SUGCT: variants seen among roughly 807,000 people sequenced by gnomAD.
The protein encoded by SUGCT is succinyl-CoA:glutarate CoA-transferase.
A neutral mutation model predicts 55.0 loss-of-function variants in SUGCT; 41 were observed. That is an observed-to-expected ratio of 0.74 (90% CI 0.58 to 0.97). The LOEUF is 0.97. SUGCT is among the 50% of genes least tolerant of loss of function. The probability of loss-of-function intolerance (pLI) is 0.00; values close to 1 mark genes in which losing one functional copy is unlikely to be tolerated. For synonymous variants in SUGCT, 187 were observed against 200.4 expected, an observed-to-expected ratio of 0.93 and a Z score of 0.56; for missense variants, 568 against 547.8, an observed-to-expected ratio of 1.04 and a Z score of -0.37.
intron 13 of SUGCT, among the ~76,000 whole-genome samples, chr7:40,750,680 G>C (rs544740635): frequency 6.6e-6 from 1 of 152,284 alleles, no homozygotes; most frequent in African/African-American, 2.4e-5. Flanking sequence ...GATGAATAAA[G>C]AAAGTTGAAG....
At chr7:40,951,298 T>C in the SUGCT span, among the ~76,000 whole-genome samples, 2 of 152,194 alleles carry the variant, frequency 1.3e-5, no homozygotes, top group Non-Finnish European at 2.9e-5. Context: ...GTAGGATCGG[T>C]GGTGATATCC....
At chr7:40,409,585 C>A (rs2151338683) in intron 9 of SUGCT, among the ~76,000 whole-genome samples, 1 of 152,198 alleles carries the variant, frequency 6.6e-6, no homozygotes, top group Non-Finnish European at 1.5e-5. Context: ...TACCTCAGTT[C>A]AATTCTATTG....
chr7:40,793,715 G>C (rs1384476056), intron 13 of SUGCT, among the ~76,000 whole-genome samples: 1 of 152,000 alleles, frequency 6.6e-6, no homozygotes, highest in African/African-American at 2.4e-5. Flanking sequence ...AACAGTTCTG[G>C]AAGATTCTTC....
intron 1 of SUGCT, among the ~76,000 whole-genome samples, chr7:40,175,322 C>T (rs184924598): frequency 1.0e-3 from 156 of 151,884 alleles, no homozygotes; most frequent in African/African-American, 3.6e-3. Flanking sequence ...CGGGTTCAAG[C>T]GATTCTCCTG....
At chr7:40,718,798 G>C (rs1240029739) in intron 12 of SUGCT, among the ~76,000 whole-genome samples, 2 of 152,112 alleles carry the variant, frequency 1.3e-5, no homozygotes, top group Non-Finnish European at 2.9e-5. Flanking sequence ...GTCTGAGCCA[G>C]TGTCCACACT....
At chr7:40,584,722 A>T (rs1797285319) in intron 12 of SUGCT, among the ~76,000 whole-genome samples, 1 of 152,224 alleles carries the variant, frequency 6.6e-6, no homozygotes, top group South Asian at 2.1e-4. Flanking sequence ...TGGGATTGGC[A>T]TATGGATATT....
intron 1 of SUGCT, chr7:40,153,408 C>G (rs941922316): frequency 2.7e-6 from 1 of 366,002 alleles, no homozygotes; most frequent in African/African-American, 2.2e-5. Context: ...CCGACATGAC[C>G]AATTTGATGT....
chr7:40,240,027 A>G (rs1023427109), intron 7 of SUGCT, among the ~76,000 whole-genome samples: 3 of 152,198 alleles, frequency 2.0e-5, no homozygotes, highest in African/African-American at 7.2e-5. Flanking sequence ...GGGAAAACAA[A>G]CATTAGCAGA....
At chr7:41,002,546 C>T in the SUGCT span, among the ~76,000 whole-genome samples, 1 of 151,994 alleles carries the variant, frequency 6.6e-6, no homozygotes, top group Admixed American at 6.6e-5. Flanking sequence ...AAAGGGAAAC[C>T]CAAGGAGGGC....
At chr7:40,590,420 T>C (rs1409412242) in intron 12 of SUGCT, among the ~76,000 whole-genome samples, 1 of 152,194 alleles carries the variant, frequency 6.6e-6, no homozygotes, top group Non-Finnish European at 1.5e-5. Context: ...ACATAGGCCT[T>C]TTATGCCAAA....
intron 11 of SUGCT, among the ~76,000 whole-genome samples, chr7:40,470,109 G>A (rs1388808369): frequency 6.6e-6 from 1 of 152,082 alleles, no homozygotes; most frequent in East Asian, 1.9e-4. Flanking sequence ...GGAAGGTACA[G>A]CTCTCCAGAC....
intron 11 of SUGCT, among the ~76,000 whole-genome samples, chr7:40,459,440 A>G (rs1330216906): frequency 7.2e-5 from 11 of 152,166 alleles, no homozygotes; most frequent in Admixed American, 6.5e-5. Flanking sequence ...TAAATAAGAA[A>G]GTCACCATGA....
chr7:40,499,118 G>C (rs773204192), intron 12 of SUGCT: 1 of 456,550 alleles, frequency 2.2e-6, no homozygotes, highest in African/African-American at 2.0e-5. Context: ...CCACTGGCGC[G>C]TGTGGCCCAC....
At chr7:40,360,070 G>GTGGCACGAGCC (rs1382785270) in intron 9 of SUGCT, among the ~76,000 whole-genome samples, 5 of 152,220 alleles carry the variant, frequency 3.3e-5, no homozygotes, top group Admixed American at 1.3e-4. Flanking sequence ...CTGGAGTGCA[G>GTGGCACGAGCC]TGGCACGATC....
intron 9 of SUGCT, among the ~76,000 whole-genome samples, chr7:40,440,137 G>T: frequency 8.7e-6 from 1 of 114,588 alleles, no homozygotes; most frequent in African/African-American, 3.5e-5. Flanking sequence ...TTTTGTCTGT[G>T]TGTGTGTGTT....
chr7:40,512,773 A>G (rs914859753), intron 12 of SUGCT, among the ~76,000 whole-genome samples: 3 of 152,118 alleles, frequency 2.0e-5, no homozygotes, highest in African/African-American at 7.2e-5. Flanking sequence ...CTGCTGGGGA[A>G]ATATGAGAAA....
chr7:40,626,235 CTTTCTTTCTTT>C (rs1799520056), intron 12 of SUGCT, among the ~76,000 whole-genome samples: 1 of 151,824 alleles, frequency 6.6e-6, no homozygotes, highest in Admixed American at 6.6e-5. Context: ...TTTAAAGAGA[CTTTCTTTCTTT>C]TTTCTTTCTT....
At chr7:40,694,471 C>T (rs192482883) in intron 12 of SUGCT, among the ~76,000 whole-genome samples, 12 of 152,266 alleles carry the variant, frequency 7.9e-5, no homozygotes, top group Admixed American at 5.9e-4. Flanking sequence ...TTCTTGATGT[C>T]GAGCCTTTTC....
chr7:40,517,277 A>C (rs1195531397), intron 12 of SUGCT, among the ~76,000 whole-genome samples: 6 of 149,378 alleles, frequency 4.0e-5, no homozygotes, highest in African/African-American at 1.5e-4. Context: ...ATGTAAGCTC[A>C]TGTTATCTTC....
Sources: allele counts gnomAD v4.1 joint callset (sites outside exome capture counted in the v4.1 genomes callset), GRCh38; gene constraint gnomAD v4.1.1; transcripts MANE v1.5; gene names NCBI Gene and HGNC (gene_info 2026-07-23, HGNC 2026-07-21).